ATP10B: variants seen among roughly 807,000 people sequenced by gnomAD.
ATP10B encodes ATPase phospholipid transporting 10B (putative).
A neutral mutation model predicts 141.2 loss-of-function variants in ATP10B; 122 were observed. The observed-to-expected ratio is 0.86, with a 90% CI of 0.75 to 1.00. The LOEUF (loss-of-function observed/expected upper bound fraction) is 1.00, where lower values mean the gene tolerates loss of function less well. Ranked by LOEUF, ATP10B falls within the 50% of genes least tolerant of loss-of-function variation. ATP10B has a pLI of 0.00. For missense variants in ATP10B, 1,876 were observed against 1,825.3 expected, an observed-to-expected ratio of 1.03 and a Z score of -0.51; for synonymous variants, 685 against 692.0, an observed-to-expected ratio of 0.99 and a Z score of 0.16.
chr5:160,922,236 G>A, the ATP10B span, among the ~76,000 whole-genome samples: 1 of 152,136 alleles, frequency 6.6e-6, no homozygotes, highest in African/African-American at 2.4e-5. Flanking sequence ...CTGGCACTGA[G>A]GTCTGGGTTT....
intron 7 of ATP10B, among the ~76,000 whole-genome samples, chr5:160,652,742 G>A (rs7717471): frequency 0.88 from 100,388 of 113,452 alleles, 44,599 homozygotes; most frequent in African/African-American, 0.95. Context: ...ATATATTTAT[G>A]TACTATACAT....
At chr5:160,677,329 G>A (rs866446747) in intron 6 of ATP10B, among the ~76,000 whole-genome samples, 1 of 152,196 alleles carries the variant, frequency 6.6e-6, no homozygotes, top group South Asian at 2.1e-4. Context: ...CTGCAAAATG[G>A]ATGCTTCAGA....
chr5:160,708,413 T>G (rs998270547), intron 3 of ATP10B, among the ~76,000 whole-genome samples: 1 of 152,202 alleles, frequency 6.6e-6, no homozygotes, highest in East Asian at 1.9e-4. Flanking sequence ...TAATTTCAAT[T>G]TTCTCAATCT....
intron 1 of ATP10B, among the ~76,000 whole-genome samples, chr5:160,845,860 A>C (rs1200309494): frequency 6.6e-6 from 1 of 152,210 alleles, no homozygotes; most frequent in Non-Finnish European, 1.5e-5. Context: ...AATAAAAAAC[A>C]TTAAAAAAAT....
chr5:160,685,730 T>C (rs368645724), intron 6 of ATP10B, among the ~76,000 whole-genome samples: 2 of 152,228 alleles, frequency 1.3e-5, no homozygotes, highest in East Asian at 3.8e-4. Flanking sequence ...CTTAATAATA[T>C]GAGTGCTTAT....
chr5:160,868,364 C>G, the ATP10B span, among the ~76,000 whole-genome samples: 1 of 152,022 alleles, frequency 6.6e-6, no homozygotes, highest in East Asian at 1.9e-4. Context: ...CCAGTAAACA[C>G]CACAAGGTTG....
intron 6 of ATP10B, 102 bp downstream of exon 6, chr5:160,685,977 T>C: frequency 1.1e-6 from 1 of 940,672 alleles, no homozygotes; most frequent in Non-Finnish European, 1.5e-6. Context: ...AATTAAATAA[T>C]TTAGGAAAAT....
Position 160,620,471 on chromosome 5 carries a change from C to T in ATP10B, c.2292G>A (p.Leu764=). 1 of 1,614,226 alleles carries T rather than the reference C, an allele frequency of 6.2e-7. No individual in the cohort carries two copies. The highest frequency in any genetic ancestry group is 8.5e-7 in the Non-Finnish European group (1 of 1,180,034). ...TCLTFSLLCT[L]GFDSVRKRMS... The stretch of plus-strand genomic sequence containing the variant: ...TTCTCTTCCTGACAGAGTCAAAGCC[C>T]AGGGTGCAGAGGAGGCTGAAGGTGA... The change falls in exon 15 of 26, where the codon CTG becomes CTA. Residue 764 remains leucine (L), a synonymous_variant. Transcript: ENST00000327245.
chr5:160,714,719 T>A (rs1380689857), intron 3 of ATP10B, among the ~76,000 whole-genome samples: 1 of 110,654 alleles, frequency 9.0e-6, no homozygotes, highest in Non-Finnish European at 1.8e-5. Flanking sequence ...AGTTTTTCTG[T>A]TCTGTTTTTT....
chr5:160,782,803 C>A lies in ATP10B; in HGVS notation c.-331+2756G>T, dbSNP rs80083948. ...AAAATGACATGTACATACACACACA[C>A]ACAAACTACAAAGGAAAGATATCTA... On this transcript the variant is annotated intron_variant, in intron 2 of 25. Coordinates refer to ENST00000327245, the MANE Select transcript of ATP10B (RefSeq NM_025153.3). Among the ~76,000 whole-genome samples the A allele has an allele frequency of 4.7e-3, 718 of 152,168 alleles. 11 individuals are homozygous for A. Among genetic ancestry groups the A allele is most frequent in the African/African-American group, 0.017 (689 of 41,532 alleles).
intron 1 of ATP10B, among the ~76,000 whole-genome samples, chr5:160,805,736 C>G (rs1427976501): frequency 6.6e-6 from 1 of 152,194 alleles, no homozygotes; most frequent in East Asian, 1.9e-4. Flanking sequence ...CTGTGTTTGA[C>G]TGCTGTTTAT....
intron 2 of ATP10B, among the ~76,000 whole-genome samples, chr5:160,761,403 TACATTCG>T (rs1769028699): frequency 3.7e-5 from 1 of 26,758 alleles, no homozygotes; most frequent in African/African-American, 2.8e-4. Context: ...AGCACCAGCC[TACATTCG>T]CCAGCACCAG....
chr5:160,781,401 T>A (rs1273187120), intron 2 of ATP10B, among the ~76,000 whole-genome samples: 2 of 152,066 alleles, frequency 1.3e-5, no homozygotes, highest in Non-Finnish European at 2.9e-5. Flanking sequence ...GAGCCTGTGG[T>A]GTTGTCGGTT....
At chr5:160,672,521 C>T (rs535539760) in intron 6 of ATP10B, among the ~76,000 whole-genome samples, 7 of 152,292 alleles carry the variant, frequency 4.6e-5, no homozygotes, top group South Asian at 2.1e-4. Flanking sequence ...GAGGTGTGGG[C>T]TCATCTGTCT....
chr5:160,797,652 G>A (rs572652338), intron 1 of ATP10B, among the ~76,000 whole-genome samples: 172 of 152,336 alleles, frequency 1.1e-3, no homozygotes, highest in Non-Finnish European at 1.8e-3. Context: ...TGCATAAGAT[G>A]CTGTGTGAAC....
intron 2 of ATP10B, among the ~76,000 whole-genome samples, chr5:160,768,133 T>C (rs537741073): frequency 1.3e-5 from 2 of 152,258 alleles, no homozygotes; most frequent in East Asian, 1.9e-4. Context: ...ATTACCATCA[T>C]TGTCATCTTC....
rs144857670 is a variant in ATP10B, at chr5:160,707,687, A to C, written c.-205+9222T>G. ...AGCCTATTAATATCAGATGAGTGGA[A>C]GAGAATCTATAAAGTCAAAATGACT... On this transcript the variant is annotated intron_variant, in intron 3 of 25. Coordinates refer to ENST00000327245, the MANE Select transcript of ATP10B (RefSeq NM_025153.3). Among the ~76,000 whole-genome samples, 514 of 152,336 alleles carry C rather than the reference A, an allele frequency of 3.4e-3. 4 individuals carry two copies. The highest frequency in any genetic ancestry group is 0.012 in the African/African-American group (485 of 41,568).
chr5:160,883,368 A>G, the ATP10B span, among the ~76,000 whole-genome samples: 1 of 152,202 alleles, frequency 6.6e-6, no homozygotes, highest in African/African-American at 2.4e-5. Flanking sequence ...CTTTAACTAC[A>G]GGGCTGAGAC....
At chr5:160,694,093 G>A (rs1249748266) in intron 3 of ATP10B, among the ~76,000 whole-genome samples, 2 of 152,172 alleles carry the variant, frequency 1.3e-5, no homozygotes, top group African/African-American at 4.8e-5. Context: ...CGGATTCCAA[G>A]CATCATTCTG....
Sources: gnomAD v4.1 joint callset for allele counts (sites outside exome capture counted in the v4.1 genomes callset) on GRCh38, gnomAD v4.1.1 for gene constraint, MANE v1.5 for transcripts, NCBI Gene and HGNC (gene_info 2026-07-23, HGNC 2026-07-21) for gene names.